PRR33: variants seen among roughly 807,000 people sequenced by gnomAD.
The protein encoded by PRR33 is proline-rich protein 33.
A neutral mutation model predicts 0.5 loss-of-function variants in PRR33; 1 was observed. The ratio of observed to expected loss-of-function variants is 2.18; its 90% CI spans 0.77 to 10.34. PRR33 has a LOEUF of 10.34. Ranked by LOEUF, PRR33 falls within the 30% of genes most tolerant of loss-of-function variation. The pLI, the probability that PRR33 is intolerant of heterozygous loss-of-function variation, is 0.13. For missense variants in PRR33, 552 were observed against 251.8 expected, an observed-to-expected ratio of 2.19 and a Z score of -8.07; for synonymous variants, 226 against 110.0, an observed-to-expected ratio of 2.06 and a Z score of -6.60.
the PRR33 span, among the ~76,000 whole-genome samples, chr11:1,917,093 C>T: frequency 4.1e-4 from 62 of 152,240 alleles, 1 homozygote; most frequent in Admixed American, 4.1e-3. Flanking sequence ...AGGCAGCTAC[C>T]TAGGGCTGGA....
chr11:1,890,929 T>C (rs1589837321), exon 1 of PRR33: 1 of 252,244 alleles, frequency 4.0e-6, no homozygotes, highest in East Asian at 7.6e-5. Flanking sequence ...CGCAACACCG[T>C]GTGGGCTGGG....
the PRR33 span, among the ~76,000 whole-genome samples, chr11:1,901,179 G>A: frequency 6.6e-6 from 1 of 152,282 alleles, no homozygotes; most frequent in Non-Finnish European, 1.5e-5. Flanking sequence ...GGGCGTTGTG[G>A]CAGATGCCTG....
At chr11:1,894,260 C>A (rs1849100541), upstream of PRR33, among the ~76,000 whole-genome samples, 1 of 140,354 alleles carries the variant, frequency 7.1e-6, no homozygotes. Context: ...TGTGTCAGAG[C>A]CTCACTCTGT....
the PRR33 span, among the ~76,000 whole-genome samples, chr11:1,914,114 G>A: frequency 4.6e-5 from 7 of 152,264 alleles, no homozygotes; most frequent in African/African-American, 1.4e-4. Context: ...CAATGAACAC[G>A]CCTGGTTGGG....
At chr11:1,897,319 T>C in the PRR33 span, among the ~76,000 whole-genome samples, 1 of 152,222 alleles carries the variant, frequency 6.6e-6, no homozygotes, top group Admixed American at 6.5e-5. This position sits in a 1 kb window ranked among gnomAD's most constrained non-coding sequence, Gnocchi z 4.0. Flanking sequence ...TAAATGTACT[T>C]GTTTGGTCCC....
chr11:1,896,441 A>C (rs1245544305), upstream of PRR33, among the ~76,000 whole-genome samples: 1 of 152,218 alleles, frequency 6.6e-6, no homozygotes, highest in Non-Finnish European at 1.5e-5. Flanking sequence ...TCAATATCTG[A>C]TAGTTGATTA....
upstream of PRR33, among the ~76,000 whole-genome samples, chr11:1,894,049 A>ATGAGTGGAT (rs143968200): frequency 5.4e-5 from 5 of 93,034 alleles, no homozygotes; most frequent in South Asian, 3.9e-4. Flanking sequence ...GGATGGCTGG[A>ATGAGTGGAT]GTGTGGGAGT....
the PRR33 span, among the ~76,000 whole-genome samples, chr11:1,900,381 T>C: frequency 6.6e-6 from 1 of 152,210 alleles, no homozygotes; most frequent in African/African-American, 2.4e-5. Context: ...CAATTAATTT[T>C]TGTCCTGCCC....
chr11:1,899,541 G>C, the PRR33 span, among the ~76,000 whole-genome samples: 7 of 152,182 alleles, frequency 4.6e-5, no homozygotes, highest in Admixed American at 4.6e-4. Context: ...GAAGATACAT[G>C]AGGTTCTATA....
At chr11:1,895,496 T>C (rs1348278193), upstream of PRR33, among the ~76,000 whole-genome samples, 1 of 152,258 alleles carries the variant, frequency 6.6e-6, no homozygotes, top group East Asian at 1.9e-4. Context: ...TCCTGGTTGG[T>C]GGCCTTGTCC....
At chr11:1,913,565 T>C in the PRR33 span, among the ~76,000 whole-genome samples, 1 of 152,198 alleles carries the variant, frequency 6.6e-6, no homozygotes, top group Non-Finnish European at 1.5e-5. Flanking sequence ...CCACTCTCCC[T>C]GACCACGTCC....
exon 1 of PRR33, chr11:1,889,473 G>A: frequency 1.6e-6 from 1 of 630,052 alleles, no homozygotes; most frequent in Non-Finnish European, 2.9e-6. Context: ...CTGCTCTGTG[G>A]GGGTGGGCAC....
the PRR33 span, chr11:1,890,211 G>T: frequency 1.4e-6 from 1 of 716,904 alleles, no homozygotes; most frequent in East Asian, 2.7e-5. Context: ...CTGCAGGGGT[G>T]ATGCCACGTG....
the PRR33 span, among the ~76,000 whole-genome samples, chr11:1,916,113 G>C: frequency 6.6e-6 from 1 of 152,034 alleles, no homozygotes; most frequent in African/African-American, 2.4e-5. Context: ...GAATAGATGG[G>C]TGGATGAATG....
the PRR33 span, among the ~76,000 whole-genome samples, chr11:1,901,326 A>T: frequency 6.6e-6 from 1 of 151,904 alleles, no homozygotes; most frequent in Non-Finnish European, 1.5e-5. Flanking sequence ...AAAAAAAAAA[A>T]GGCAAGATGG....
At chr11:1,902,059 C>G in the PRR33 span, among the ~76,000 whole-genome samples, 1 of 151,902 alleles carries the variant, frequency 6.6e-6, no homozygotes, top group Non-Finnish European at 1.5e-5. Context: ...GGTGAGATCC[C>G]GTCTCTACTA....
chr11:1,906,620 G>A, the PRR33 span, among the ~76,000 whole-genome samples: 1 of 152,156 alleles, frequency 6.6e-6, no homozygotes, highest in African/African-American at 2.4e-5. Flanking sequence ...GTTTGTAAGG[G>A]AGGTCTGGAA....
chr11:1,900,488 A>G, the PRR33 span, among the ~76,000 whole-genome samples: 2 of 152,216 alleles, frequency 1.3e-5, no homozygotes, highest in Non-Finnish European at 2.9e-5. Context: ...TCAGAAGCCT[A>G]TTCAAGAGGG....
chr11:1,897,335 C>T, the PRR33 span, among the ~76,000 whole-genome samples: 3 of 152,314 alleles, frequency 2.0e-5, no homozygotes, highest in African/African-American at 7.2e-5. This position sits in a 1 kb window ranked among gnomAD's most constrained non-coding sequence, Gnocchi z 4.0. Context: ...GTCCCAAGCC[C>T]CACTGGGAAA....
Sources: allele counts gnomAD v4.1 joint callset (sites outside exome capture counted in the v4.1 genomes callset), GRCh38; gene constraint gnomAD v4.1.1; non-coding constraint Gnocchi (gnomAD v3.1); transcripts MANE v1.5; gene names NCBI Gene and HGNC (gene_info 2026-07-23, HGNC 2026-07-21).